Variants in LRRIQ4 observed in about 807,000 individuals in gnomAD.
The protein encoded by LRRIQ4 is leucine-rich repeat and IQ domain-containing protein 4.
In LRRIQ4, 21 loss-of-function variants were observed where a neutral mutation model predicts 40.1. The ratio of observed to expected loss-of-function variants is 0.52; its 90% CI spans 0.37 to 0.75. The LOEUF (loss-of-function observed/expected upper bound fraction) is 0.75. Among genes scored for constraint, LRRIQ4 ranks in the 30% least tolerant of loss-of-function variants. The pLI is 0.00. For missense variants in LRRIQ4, 655 were observed against 660.0 expected (o/e 0.99, Z 0.08); for synonymous variants, 277 against 277.1 (o/e 1.00, Z 0.00).
Position 169,821,883 on chromosome 3 carries a change from T to A in LRRIQ4, c.-31-8T>A. The A allele has an allele frequency of 7.5e-7, 1 of 1,329,892 alleles. No individual in the cohort carries two copies. The highest frequency in any genetic ancestry group is 9.9e-7 in the Non-Finnish European group (1 of 1,012,112). The allele number at this position is 1,329,892 out of a possible 1,614,324, so 82.4% of individuals were successfully genotyped here. A position where few individuals can be genotyped will look rare whatever the true frequency, so the allele number is the denominator to read the frequency against. On this transcript the variant is annotated splice_polypyrimidine_tract_variant and splice_region_variant and intron_variant, in intron 1 of 5. Coordinates refer to ENST00000340806, the MANE Select transcript of LRRIQ4 (RefSeq NM_001080460.3). ...CTATTTTTTTTCATCCTTTTCACAA[T>A]ATTTCAGATTTTGAATATTTGAGCT...
At chr3:169,830,869 C>T (rs993027311) in intron 4 of LRRIQ4, among the ~76,000 whole-genome samples, 4 of 152,172 alleles carry the variant, frequency 2.6e-5, no homozygotes, top group African/African-American at 9.7e-5. Flanking sequence ...TAAATAGCGA[C>T]TGCTAAGAAA....
At chr3:169,836,375 C>T (rs367646545) in intron 5 of LRRIQ4, among the ~76,000 whole-genome samples, 3 of 152,264 alleles carry the variant, frequency 2.0e-5, no homozygotes, top group Non-Finnish European at 2.9e-5. Context: ...TCTCACAGTT[C>T]TGGAGGCTGG....
chr3:169,823,057 T>G, intron 2 of LRRIQ4, 116 bp downstream of exon 2: 1 of 787,900 alleles, frequency 1.3e-6, no homozygotes, highest in Non-Finnish European at 1.9e-6. Context: ...AAATCCAAGA[T>G]TACTAAATAT....
intron 4 of LRRIQ4, among the ~76,000 whole-genome samples, chr3:169,831,021 C>T (rs1485700301): frequency 2.6e-5 from 4 of 151,864 alleles, no homozygotes; most frequent in Non-Finnish European, 5.9e-5. Flanking sequence ...AAGTATTGGC[C>T]CAGAGTGGTG....
intron 3 of LRRIQ4, among the ~76,000 whole-genome samples, chr3:169,829,305 AT>A (rs1164323891): frequency 6.6e-6 from 1 of 152,178 alleles, no homozygotes; most frequent in East Asian, 1.9e-4. Flanking sequence ...GGGAGCCTAC[AT>A]TTTGGTGCCC....
intron 5 of LRRIQ4, among the ~76,000 whole-genome samples, chr3:169,834,133 G>T (rs893634217): frequency 6.6e-6 from 1 of 152,122 alleles, no homozygotes; most frequent in South Asian, 2.1e-4. Flanking sequence ...AGGCTGAGGC[G>T]GGTGGATCAC....
chr3:169,816,871 A>G (rs1313007694), intron 1 of LRRIQ4, among the ~76,000 whole-genome samples: 1 of 152,014 alleles, frequency 6.6e-6, no homozygotes, highest in African/African-American at 2.4e-5. Flanking sequence ...GGGTTTCACC[A>G]TGTTGGCCAA....
chr3:169,837,453 T>C, intron 5 of LRRIQ4, 26 bp from the exon 6 acceptor site: 1 of 1,590,176 alleles, frequency 6.3e-7, no homozygotes, highest in Admixed American at 1.9e-5. Flanking sequence ...CAGCCGATGC[T>C]GAATTTGGGT....
In LRRIQ4 at chr3:169,814,651, A is replaced by G. The variant is rs193242374; in HGVS notation, c.-32+1605A>G. On this transcript the variant is annotated intron_variant, in intron 1 of 5. Coordinates refer to ENST00000340806, the MANE Select transcript of LRRIQ4 (RefSeq NM_001080460.3). The stretch of plus-strand genomic sequence containing the variant: ...CAGGCGCCCCCCACTACGCCCAGCT[A>G]ATTTTGTATTTTTAGTAGAGACAGG... Among the ~76,000 whole-genome samples, 668 of 151,994 alleles carry G rather than the reference A, an allele frequency of 4.4e-3. 3 individuals are homozygous for G. The highest frequency in any genetic ancestry group is 0.015 in the African/African-American group (602 of 41,486).
At chr3:169,833,276 C>A in intron 5 of LRRIQ4, 93 bp downstream of exon 5, 1 of 1,008,614 alleles carries the variant, frequency 9.9e-7, no homozygotes, top group South Asian at 1.9e-5. Context: ...ACTCCTTACA[C>A]CCTTGTCCTG....
intron 1 of LRRIQ4, among the ~76,000 whole-genome samples, chr3:169,819,776 T>C (rs16854408): frequency 0.035 from 5,328 of 152,296 alleles, 241 homozygotes; most frequent in South Asian, 0.12. Context: ...ATAATCAGTG[T>C]TCTTGGTGTT....
At chr3:169,833,463 G>A (rs1002961900) in intron 5 of LRRIQ4, among the ~76,000 whole-genome samples, 2 of 152,112 alleles carry the variant, frequency 1.3e-5, no homozygotes, top group Non-Finnish European at 2.9e-5. Context: ...TCTAAAATTC[G>A]TGGACTATTT....
In LRRIQ4 at chr3:169,828,912, G is replaced by C. The variant is rs751168267; in HGVS notation, c.1174G>C (p.Glu392Gln). Residue 392 changes from glutamate (E) to glutamine (Q), a missense_variant, in exon 3 of 6, where the codon GAA becomes CAA. Coordinates refer to ENST00000340806, the MANE Select transcript of LRRIQ4 (RefSeq NM_001080460.3). ...DQGFKLTYVP[E>Q]HIRKLQSLKE... ...GGGATTCAAACTTACCTATGTGCCAGAACACATTAGGAAACTGCAGGTAAG... is the reference window on the plus strand; with the variant it reads ...GGGATTCAAACTTACCTATGTGCCACAACACATTAGGAAACTGCAGGTAAG... 11 of 1,611,146 alleles carry C rather than the reference G, an allele frequency of 6.8e-6. No homozygotes were observed. Among genetic ancestry groups the C allele is most frequent in the African/African-American group, 2.7e-5 (2 of 74,652 alleles).
At chr3:169,827,673 C>T (rs942488503) in intron 2 of LRRIQ4, among the ~76,000 whole-genome samples, 11 of 149,226 alleles carry the variant, frequency 7.4e-5, no homozygotes, top group African/African-American at 2.0e-4. Context: ...CAGAAAGAAA[C>T]CGATAGACGG....
At chr3:169,832,943 G>A in intron 4 of LRRIQ4, 44 bp from the exon 5 acceptor site, 3 of 1,538,610 alleles carry the variant, frequency 1.9e-6, no homozygotes, top group Non-Finnish European at 2.7e-6. Context: ...AGTTAATATT[G>A]TTTCTTCTAA....
chr3:169,832,022 G>A (rs945438489), intron 4 of LRRIQ4, among the ~76,000 whole-genome samples: 1 of 151,800 alleles, frequency 6.6e-6, no homozygotes, highest in Non-Finnish European at 1.5e-5. Context: ...ACAAGGGGTT[G>A]TATGCAGTAA....
intron 2 of LRRIQ4, among the ~76,000 whole-genome samples, chr3:169,825,328 T>A (rs888928790): frequency 1.3e-5 from 2 of 152,198 alleles, no homozygotes; most frequent in Non-Finnish European, 2.9e-5. Context: ...TTTTATTTGA[T>A]TTTTTATTTC....
intron 1 of LRRIQ4, among the ~76,000 whole-genome samples, chr3:169,818,684 T>G (rs894056511): frequency 6.6e-6 from 1 of 152,174 alleles, no homozygotes; most frequent in Admixed American, 6.5e-5. Flanking sequence ...TATTTTGGAG[T>G]GGCATATTCT....
chr3:169,824,195 C>T (rs760510905), intron 2 of LRRIQ4, among the ~76,000 whole-genome samples: 2 of 151,790 alleles, frequency 1.3e-5, no homozygotes, highest in Non-Finnish European at 2.9e-5. Context: ...AAGGTGGCTG[C>T]CTCTGGGAAG....
Sources: gnomAD v4.1 joint callset for allele counts (sites outside exome capture counted in the v4.1 genomes callset) on GRCh38, gnomAD v4.1.1 for gene constraint, MANE v1.5 for transcripts, NCBI Gene and HGNC (gene_info 2026-07-23, HGNC 2026-07-21) for gene names.